CNTN4: variants seen among roughly 807,000 people sequenced by gnomAD.
The protein encoded by CNTN4 is contactin 4, also known as contactin-4.
In CNTN4, 77 loss-of-function variants were observed where a neutral mutation model predicts 122.5. The ratio of observed to expected loss-of-function variants is 0.63; its 90% CI spans 0.52 to 0.76. The LOEUF is 0.76. Among genes scored for constraint, CNTN4 ranks in the 30% least tolerant of loss-of-function variants. CNTN4 has a pLI of 0.00. For missense variants in CNTN4, 1,256 were observed against 1,259.1 expected, an observed-to-expected ratio of 1.00 and a Z score of 0.04; for synonymous variants, 512 against 447.0, an observed-to-expected ratio of 1.15 and a Z score of -1.83.
intron 4 of CNTN4, among the ~76,000 whole-genome samples, chr3:2,575,217 A>G (rs1279134595): frequency 6.6e-6 from 1 of 152,070 alleles, no homozygotes; most frequent in East Asian, 1.9e-4. Flanking sequence ...ATAAAAAGTA[A>G]TTAAAAAAAA....
At position 2,959,499 on chromosome 3, in the gene CNTN4, G is replaced by GA. The variant is rs201629443; in HGVS notation, c.1359-28838dup. ...ATAATTATGCCTATCAACATATTGT[G>GA]AAAAAAAATCATTGAGGAGCTTACC... is the stretch of plus-strand genomic sequence containing the variant. On this transcript the variant is annotated intron_variant, in intron 13 of 24. Coordinates refer to ENST00000418658, the MANE Select transcript of CNTN4 (RefSeq NM_175607.3). Among the ~76,000 whole-genome samples, 485 of 151,610 alleles carry GA rather than the reference G, an allele frequency of 3.2e-3. 5 individuals are homozygous for GA. Among genetic ancestry groups the GA allele is most frequent in the Non-Finnish European group, 3.0e-3 (201 of 67,858 alleles).
In CNTN4 at chr3:2,376,106, G is replaced by A. The variant is rs931706309; in HGVS notation, c.-89+36873G>A. On this transcript the variant is annotated intron_variant, in intron 3 of 24. Transcript: ENST00000418658. Reference sequence around the variant, plus strand: ...ATAAACACTTACTATTCTGTTACAAGGTAACAATAGAGTGCTAATTGCTGA... The same window carrying A: ...ATAAACACTTACTATTCTGTTACAAAGTAACAATAGAGTGCTAATTGCTGA... Among the ~76,000 whole-genome samples, 48 of 152,044 alleles carry A rather than the reference G, an allele frequency of 3.2e-4. 1 individual carries two copies. The highest frequency in any genetic ancestry group is 1.2e-3 in the African/African-American group (48 of 41,384).
intron 3 of CNTN4, among the ~76,000 whole-genome samples, chr3:2,411,514 C>T (rs1457292366): frequency 6.6e-6 from 1 of 152,076 alleles, no homozygotes; most frequent in African/African-American, 2.4e-5. Context: ...AAGTTGCAGC[C>T]TTACATGATT....
intron 13 of CNTN4, among the ~76,000 whole-genome samples, chr3:2,936,891 C>T (rs1036407989): frequency 1.3e-5 from 2 of 152,182 alleles, no homozygotes; most frequent in African/African-American, 2.4e-5. Context: ...CTGGACAGGA[C>T]ACAGCCATAC....
intron 2 of CNTN4, among the ~76,000 whole-genome samples, chr3:2,130,403 A>C (rs961954689): frequency 6.6e-6 from 1 of 152,218 alleles, no homozygotes; most frequent in Non-Finnish European, 1.5e-5. Flanking sequence ...ATATGAGTGA[A>C]CAGCAAACCT....
intron 8 of CNTN4, among the ~76,000 whole-genome samples, chr3:2,870,873 C>T (rs1242186031): frequency 1.3e-5 from 2 of 152,174 alleles, no homozygotes; most frequent in East Asian, 3.8e-4. Flanking sequence ...CAAAAGGCCA[C>T]AGTGAGTCAT....
chr3:2,373,797 C>G (rs1439022352), intron 3 of CNTN4, among the ~76,000 whole-genome samples: 1 of 152,116 alleles, frequency 6.6e-6, no homozygotes, highest in Non-Finnish European at 1.5e-5. Flanking sequence ...AATTTCAGTT[C>G]TAGAAAGGCT....
At chr3:2,355,011 C>G (rs1003146655) in intron 3 of CNTN4, among the ~76,000 whole-genome samples, 3 of 152,174 alleles carry the variant, frequency 2.0e-5, no homozygotes, top group Non-Finnish European at 4.4e-5. Flanking sequence ...AGTGGATAAG[C>G]CCTGTTGTGT....
chr3:2,324,182 G>A (rs2043368755), intron 2 of CNTN4, among the ~76,000 whole-genome samples: 1 of 152,156 alleles, frequency 6.6e-6, no homozygotes, highest in Non-Finnish European at 1.5e-5. Context: ...GCAGTTTAGA[G>A]CATGGCATGA....
At chr3:2,898,010 G>T (rs2094133701) in intron 10 of CNTN4, among the ~76,000 whole-genome samples, 1 of 151,986 alleles carries the variant, frequency 6.6e-6, no homozygotes, top group Admixed American at 6.6e-5. Flanking sequence ...TTTGAACTAG[G>T]TAACCCCCCC....
rs761186224 is a variant in CNTN4 at position 3,053,847 on chromosome 3, T to A, written c.2852T>A (p.Ile951Asn). The A allele has an allele frequency of 8.1e-6, 13 of 1,614,104 alleles. No individual in the cohort carries two copies. The highest frequency in any genetic ancestry group is 1.0e-5 in the Non-Finnish European group (12 of 1,180,042). Reference sequence around the variant, plus strand: ...AACAGACAAAGCAGCACATCTGTCATTGAAACAAATAAAACATCGGTGGAG... The same window carrying A: ...AACAGACAAAGCAGCACATCTGTCAATGAAACAAATAAAACATCGGTGGAG... ...RWNRQSSTSV[I>N]ETNKTSVELS... is the part of the protein sequence containing the mutation. Residue 951 changes from isoleucine to asparagine, a missense_variant, in exon 24 of 25, where the codon ATT (isoleucine) becomes AAT (asparagine). Ile to Asn is a moderately radical substitution (Grantham distance 149, BLOSUM62 -3). Coordinates refer to ENST00000418658, the MANE Select transcript of CNTN4 (RefSeq NM_175607.3).
intron 5 of CNTN4, 62 bp from the exon 6 acceptor site, chr3:2,745,460 G>A: frequency 3.1e-6 from 4 of 1,294,446 alleles, no homozygotes; most frequent in Non-Finnish European, 4.5e-6. Flanking sequence ...ATATATTTTA[G>A]ACAATTCAGA....
intron 2 of CNTN4, among the ~76,000 whole-genome samples, chr3:2,181,413 T>G (rs2037009543): frequency 6.6e-6 from 1 of 152,022 alleles, no homozygotes; most frequent in African/African-American, 2.4e-5. Flanking sequence ...TCACATTTAG[T>G]AGAACGTATC....
At chr3:2,340,446 ATTCTCAGATT>A (rs1482682244) in intron 3 of CNTN4, among the ~76,000 whole-genome samples, 5 of 151,532 alleles carry the variant, frequency 3.3e-5, no homozygotes, top group Non-Finnish European at 7.4e-5. Flanking sequence ...TATAATTCTG[ATTCTCAGATT>A]TTTAACACCC....
At chr3:2,911,883 T>C (rs960377320) in intron 12 of CNTN4, among the ~76,000 whole-genome samples, 10 of 152,184 alleles carry the variant, frequency 6.6e-5, no homozygotes, top group Admixed American at 5.2e-4. Flanking sequence ...TTAGAAATTA[T>C]TGAGGCAGAG....
chr3:2,352,668 C>A (rs942513101), intron 3 of CNTN4, among the ~76,000 whole-genome samples: 2 of 152,174 alleles, frequency 1.3e-5, no homozygotes, highest in African/African-American at 4.8e-5. Context: ...AGCCCGAGCT[C>A]CCCCACGGTG....
At chr3:2,113,510 T>A (rs2033116252) in intron 2 of CNTN4, among the ~76,000 whole-genome samples, 1 of 152,206 alleles carries the variant, frequency 6.6e-6, no homozygotes, top group Non-Finnish European at 1.5e-5. Flanking sequence ...TATTAAAGAT[T>A]GATAGACATT....
At chr3:2,166,481 T>TG (rs1381819404) in intron 2 of CNTN4, among the ~76,000 whole-genome samples, 1 of 152,170 alleles carries the variant, frequency 6.6e-6, no homozygotes, top group African/African-American at 2.4e-5. Flanking sequence ...CCAAGTCACC[T>TG]GACAGCCAAA....
intron 2 of CNTN4, chr3:2,110,689 C>T (rs1462038287): frequency 2.0e-5 from 3 of 151,992 alleles, no homozygotes; most frequent in East Asian, 1.9e-4. Context: ...TAAACAGATT[C>T]GGAGTGAGAC....
Sources: gnomAD v4.1 joint callset for allele counts (sites outside exome capture counted in the v4.1 genomes callset) on GRCh38, gnomAD v4.1.1 for gene constraint, MANE v1.5 for transcripts, NCBI Gene and HGNC (gene_info 2026-07-23, HGNC 2026-07-21) for gene names.